Variants in GRIK4 observed in about 807,000 individuals in gnomAD.
GRIK4 encodes glutamate ionotropic receptor kainate type subunit 4.
GRIK4 carries 40 observed loss-of-function variants against 104.9 expected under a neutral mutation model. The ratio of observed to expected loss-of-function variants is 0.38; its 90% CI spans 0.30 to 0.50. GRIK4 has a LOEUF of 0.50. GRIK4 is among the 20% of genes least tolerant of loss of function. The pLI is 0.93. For missense variants in GRIK4, 1,047 were observed against 1,308.1 expected (o/e 0.80, Z 3.08); for synonymous variants, 485 against 524.9 (o/e 0.92, Z 1.04).
intron 3 of GRIK4, among the ~76,000 whole-genome samples, chr11:120,757,753 C>T (rs559594398): frequency 1.6e-4 from 25 of 152,302 alleles, no homozygotes; most frequent in African/African-American, 5.3e-4. Context: ...CAGTTATCTG[C>T]GGAGGAGAGT....
Position 120,842,049 on chromosome 11 carries a change from G to T in GRIK4, c.744+5205G>T, listed in dbSNP as rs542874418. Among the ~76,000 whole-genome samples the T allele has an allele frequency of 2.6e-5, 4 of 152,248 alleles. No individual in the cohort carries two copies. The South Asian group carries it at 8.3e-4, about 32-fold the overall frequency. On this transcript the variant is annotated intron_variant, in intron 8 of 20. Coordinates refer to ENST00000527524, the MANE Select transcript of GRIK4 (RefSeq NM_014619.5). ...TTCTCTGTCCTCATATGTAAAATAT[G>T]AATAATAATATCCACCTTTTAAAAA...
intron 1 of GRIK4, among the ~76,000 whole-genome samples, chr11:120,558,801 C>T (rs535537012): frequency 1.7e-4 from 26 of 152,288 alleles, no homozygotes; most frequent in African/African-American, 2.2e-4. Flanking sequence ...TCACACTGAA[C>T]GTGAGCAAGA....
At chr11:120,731,133 T>C (rs988074585) in intron 3 of GRIK4, among the ~76,000 whole-genome samples, 2 of 152,288 alleles carry the variant, frequency 1.3e-5, no homozygotes, top group East Asian at 1.9e-4. Flanking sequence ...GGCATCCTTG[T>C]TGTGTTCTGG....
chr11:120,779,880 G>A (rs112139962), intron 3 of GRIK4, among the ~76,000 whole-genome samples: 87 of 152,346 alleles, frequency 5.7e-4, no homozygotes, highest in African/African-American at 1.5e-3. Flanking sequence ...TAGACAGAGC[G>A]TTGGTAGAGC....
At chr11:120,646,074 G>T (rs187490864) in intron 1 of GRIK4, among the ~76,000 whole-genome samples, 1 of 152,178 alleles carries the variant, frequency 6.6e-6, no homozygotes, top group African/African-American at 2.4e-5. Flanking sequence ...CATTTGAGAG[G>T]CTTAATCCAT....
chr11:120,887,763 TTAC>T (rs1435059817), intron 11 of GRIK4, among the ~76,000 whole-genome samples: 1 of 152,138 alleles, frequency 6.6e-6, no homozygotes, highest in Non-Finnish European at 1.5e-5. Context: ...AAACAAATAA[TTAC>T]CTAAATAACT....
intron 1 of GRIK4, among the ~76,000 whole-genome samples, chr11:120,587,862 G>C (rs1948688053): frequency 6.6e-6 from 1 of 152,210 alleles, no homozygotes; most frequent in African/African-American, 2.4e-5. Flanking sequence ...GGTGGGAGGA[G>C]CAGGGCCTTG....
chr11:120,961,405 C>A (rs746322973), intron 17 of GRIK4, among the ~76,000 whole-genome samples: 1 of 152,108 alleles, frequency 6.6e-6, no homozygotes, highest in African/African-American at 2.4e-5. Flanking sequence ...TGCAGTGAAT[C>A]AAACCTGTTG....
chr11:120,616,940 C>CT (rs1027861669), intron 1 of GRIK4, among the ~76,000 whole-genome samples: 23 of 152,160 alleles, frequency 1.5e-4, no homozygotes, highest in Admixed American at 6.5e-5. Flanking sequence ...CTAAAGGGGA[C>CT]TTTTTTAAGA....
chr11:120,712,453 G>A (rs1025428658), intron 3 of GRIK4, among the ~76,000 whole-genome samples: 3 of 152,172 alleles, frequency 2.0e-5, no homozygotes, highest in Non-Finnish European at 2.9e-5. Context: ...TCCAGAGGCA[G>A]TGTCAACAGA....
intron 1 of GRIK4, chr11:120,564,590 C>T (rs962268690): frequency 2.6e-5 from 4 of 152,310 alleles, no homozygotes; most frequent in African/African-American, 7.2e-5. Flanking sequence ...GTGCCGTAGC[C>T]CCCCTCGACC....
chr11:120,747,228 T>C (rs187226637), intron 3 of GRIK4, among the ~76,000 whole-genome samples: 26 of 152,198 alleles, frequency 1.7e-4, no homozygotes, highest in African/African-American at 6.3e-4. Flanking sequence ...AACAAACAAT[T>C]AGTGAGTGAG....
At chr11:120,808,046 G>A (rs1420810648) in intron 4 of GRIK4, among the ~76,000 whole-genome samples, 1 of 152,160 alleles carries the variant, frequency 6.6e-6, no homozygotes, top group African/African-American at 2.4e-5. Flanking sequence ...AGAGAGAGAA[G>A]AAGGCATCTA....
chr11:120,514,728 A>G (rs1405502247), intron 1 of GRIK4, among the ~76,000 whole-genome samples: 1 of 152,118 alleles, frequency 6.6e-6, no homozygotes, highest in Non-Finnish European at 1.5e-5. Flanking sequence ...TCCTTGTGGA[A>G]AGAACGGCTG....
chr11:120,895,984 G>T (rs1398660050), intron 11 of GRIK4, among the ~76,000 whole-genome samples: 1 of 152,198 alleles, frequency 6.6e-6, no homozygotes, highest in East Asian at 1.9e-4. Context: ...CCAGAGGAGG[G>T]CTCGGAGAAA....
chr11:120,693,439 A>G (rs146775537), intron 3 of GRIK4, among the ~76,000 whole-genome samples: 16 of 152,306 alleles, frequency 1.1e-4, no homozygotes, highest in Non-Finnish European at 1.9e-4. Flanking sequence ...GCCCAGCAGT[A>G]AGATGAAGGA....
At chr11:120,623,839 C>A (rs1949219861) in intron 1 of GRIK4, among the ~76,000 whole-genome samples, 1 of 152,200 alleles carries the variant, frequency 6.6e-6, no homozygotes. Flanking sequence ...ATGGGGCCTG[C>A]ACCATGCAGC....
intron 1 of GRIK4, among the ~76,000 whole-genome samples, chr11:120,535,063 G>T (rs1947958988): frequency 6.6e-6 from 1 of 152,220 alleles, no homozygotes; most frequent in Non-Finnish European, 1.5e-5. Flanking sequence ...GCCCTGACTT[G>T]TAGGGTTTGC....
intron 3 of GRIK4, among the ~76,000 whole-genome samples, chr11:120,680,549 C>T (rs1055288216): frequency 5.3e-5 from 8 of 152,186 alleles, no homozygotes; most frequent in African/African-American, 1.4e-4. Context: ...CTGACTCCCT[C>T]GGCCTTGCTC....
Sources: allele counts gnomAD v4.1 joint callset (sites outside exome capture counted in the v4.1 genomes callset), GRCh38; gene constraint gnomAD v4.1.1; transcripts MANE v1.5; gene names NCBI Gene and HGNC (gene_info 2026-07-23, HGNC 2026-07-21).